The following MINAR1 variants were observed in gnomAD, a reference collection of about 807,000 sequenced individuals.
MINAR1 encodes membrane integral NOTCH2 associated receptor 1.
In MINAR1, 40 loss-of-function variants were observed where a neutral mutation model predicts 65.1. That is an observed-to-expected ratio of 0.61 (90% CI 0.48 to 0.80). MINAR1 has a LOEUF of 0.80. Among genes scored for constraint, MINAR1 ranks in the 30% least tolerant of loss-of-function variants. The probability of loss-of-function intolerance (pLI) is 0.00; values close to 1 mark genes in which losing one functional copy is unlikely to be tolerated. For missense variants in MINAR1, 1,128 were observed against 1,148.0 expected, an observed-to-expected ratio of 0.98 and a Z score of 0.25; for synonymous variants, 482 against 449.1, an observed-to-expected ratio of 1.07 and a Z score of -0.93.
intron 1 of MINAR1, among the ~76,000 whole-genome samples, chr15:79,442,096 C>T (rs1299582244): frequency 6.7e-6 from 1 of 149,230 alleles, no homozygotes; most frequent in East Asian, 1.9e-4. Flanking sequence ...ACATGGTAAG[C>T]AATTTTTATC....
chr15:79,419,628 A>G, the MINAR1 span: 1 of 152,228 alleles, frequency 6.6e-6, no homozygotes, highest in South Asian at 2.1e-4. Flanking sequence ...CATAGTTAGG[A>G]CAGAAGAAAG....
intron 1 of MINAR1, among the ~76,000 whole-genome samples, chr15:79,455,332 AT>A (rs1362857247): frequency 2.0e-5 from 3 of 152,018 alleles, no homozygotes; most frequent in East Asian, 3.8e-4. Flanking sequence ...TTATTTTCAT[AT>A]TTTTTTCACT....
chr15:79,450,710 A>C (rs1329824993), intron 1 of MINAR1, among the ~76,000 whole-genome samples: 1 of 152,224 alleles, frequency 6.6e-6, no homozygotes, highest in Non-Finnish European at 1.5e-5. Flanking sequence ...AAATAAGTTG[A>C]AAATGTAAAA....
At position 79,456,094 on chromosome 15, in the gene MINAR1, A is replaced by C; in HGVS notation, c.-50-4A>C. On this transcript the variant is annotated splice_polypyrimidine_tract_variant and splice_region_variant and intron_variant, in intron 1 of 3. Coordinates refer to ENST00000305428, the MANE Select transcript of MINAR1 (RefSeq NM_015206.3). ...TCCTCTCTTTCTCAATATTGCCACCACAGAACTGACCTGAAGTTTCAGTGT... is the reference window on the plus strand; with the variant it reads ...TCCTCTCTTTCTCAATATTGCCACCCCAGAACTGACCTGAAGTTTCAGTGT... 6.4e-7 allele frequency: 1 copy of C among 1,568,610 alleles called. No homozygotes were observed. Among genetic ancestry groups the C allele is most frequent in the African/African-American group, 1.4e-5 (1 of 73,744 alleles).
chr15:79,452,708 G>GTC (rs201948124), intron 1 of MINAR1, among the ~76,000 whole-genome samples: 35,917 of 117,580 alleles, frequency 0.31, 5,239 homozygotes, highest in East Asian at 0.43. Flanking sequence ...GTCTGGATGA[G>GTC]TGTGTGGGTG....
upstream of MINAR1, among the ~76,000 whole-genome samples, chr15:79,428,871 C>G (rs975905110): frequency 2.6e-5 from 4 of 152,244 alleles, no homozygotes; most frequent in South Asian, 2.1e-4. Context: ...AGTCTTCTCC[C>G]CTACCTCTAT....
At chr15:79,466,497 A>G (rs1197553306) in intron 3 of MINAR1, among the ~76,000 whole-genome samples, 1 of 152,148 alleles carries the variant, frequency 6.6e-6, no homozygotes, top group Non-Finnish European at 1.5e-5. Flanking sequence ...ATTTCATATA[A>G]TTTTCATATG....
chr15:79,417,614 G>T, the MINAR1 span: 1 of 152,312 alleles, frequency 6.6e-6, no homozygotes, highest in South Asian at 2.1e-4. Context: ...GGCTGCAGCA[G>T]CTGTGGTTAG....
At position 79,469,097 on chromosome 15, in the gene MINAR1, C is replaced by G. The variant is rs536964455; in HGVS notation, c.*713C>G. On this transcript the variant is annotated 3_prime_UTR_variant, in exon 4 of 4. Transcript: ENST00000305428. ...GGGCCAAGGTATTCAGGCCAGGAGA[C>G]CTCGTCCTCAATCCAAAGTGTAGGG... 6.5e-6 allele frequency: 1 copy of G among 152,786 alleles called. No homozygotes were observed. Among genetic ancestry groups the G allele is most frequent in the Non-Finnish European group, 1.5e-5 (1 of 68,176 alleles). The allele number at this position is 152,786 out of a possible 1,614,324, so 9.5% of individuals were successfully genotyped here. A position where few individuals can be genotyped will look rare whatever the true frequency, so the allele number is the denominator to read the frequency against.
intron 1 of MINAR1, among the ~76,000 whole-genome samples, chr15:79,439,539 A>C (rs890055054): frequency 1.1e-4 from 16 of 151,394 alleles, no homozygotes; most frequent in African/African-American, 3.2e-4. Context: ...AGACGTGGGT[A>C]GATAGTGTCG....
At position 79,468,633 on chromosome 15, in the gene MINAR1, ACAT is replaced by A. The variant is rs1411256071; in HGVS notation, c.*253_*255del. 6 of 499,606 alleles carry A rather than the reference ACAT, an allele frequency of 1.2e-5. No individual in the cohort carries two copies. In the Admixed American group the frequency reaches 2.2e-4, roughly 18 times the overall value. 30.9% of individuals were successfully genotyped at this position (499,606 alleles called of 1,614,324 possible). ...TGCAATATCTTTTCCTACCAAAAGA[ACAT>A]CATGGACTATCAATAAATACAAATT... is the stretch of plus-strand genomic sequence containing the variant. On this transcript the variant is annotated 3_prime_UTR_variant, in exon 4 of 4. Coordinates refer to ENST00000305428, the MANE Select transcript of MINAR1 (RefSeq NM_015206.3).
chr15:79,463,591 A>G, intron 3 of MINAR1: 2 of 633,684 alleles, frequency 3.2e-6, no homozygotes, highest in East Asian at 3.2e-5. Context: ...TTTGCTAACA[A>G]TGCATTTACG....
At chr15:79,424,362 G>A in the MINAR1 span, 20 of 152,296 alleles carry the variant, frequency 1.3e-4, no homozygotes, top group African/African-American at 4.8e-4. Context: ...ATATTATTTA[G>A]GTATGCTGAA....
upstream of MINAR1, among the ~76,000 whole-genome samples, chr15:79,429,493 AT>A (rs916063962): frequency 1.3e-5 from 2 of 152,228 alleles, no homozygotes; most frequent in African/African-American, 4.8e-5. Flanking sequence ...ATGAAGTGAA[AT>A]TTCGGATCTG....
intron 1 of MINAR1, among the ~76,000 whole-genome samples, chr15:79,433,675 A>G (rs1894516053): frequency 6.6e-6 from 1 of 152,226 alleles, no homozygotes; most frequent in East Asian, 1.9e-4. Context: ...GTGGCCAGTT[A>G]TGCATCCTTT....
chr15:79,467,846 A>G (rs1465910599), intron 3 of MINAR1, among the ~76,000 whole-genome samples: 1 of 152,174 alleles, frequency 6.6e-6, no homozygotes, highest in Non-Finnish European at 1.5e-5. Context: ...TTTCCTTTGC[A>G]GTGAGGCCAG....
At chr15:79,421,085 T>A in the MINAR1 span, 1 of 152,170 alleles carries the variant, frequency 6.6e-6, no homozygotes, top group African/African-American at 2.4e-5. Flanking sequence ...GTAAATAACA[T>A]CAGTTAAAAT....
intron 2 of MINAR1, among the ~76,000 whole-genome samples, chr15:79,459,554 G>C (rs1486190256): frequency 6.6e-6 from 1 of 152,174 alleles, no homozygotes; most frequent in African/African-American, 2.4e-5. Flanking sequence ...TCAGTGGACA[G>C]AGAAGGCCCT....
At chr15:79,425,181 A>C in the MINAR1 span, 1 of 152,262 alleles carries the variant, frequency 6.6e-6, no homozygotes, top group Middle Eastern at 3.4e-3. Context: ...CTGGGACTAT[A>C]GTCATGCGCC....
Sources: allele counts gnomAD v4.1 joint callset (sites outside exome capture counted in the v4.1 genomes callset), GRCh38; gene constraint gnomAD v4.1.1; transcripts MANE v1.5; gene names NCBI Gene and HGNC (gene_info 2026-07-23, HGNC 2026-07-21).